SF3A3: variants seen among roughly 807,000 people sequenced by gnomAD.
The protein encoded by SF3A3 is splicing factor 3a subunit 3.
SF3A3 carries 9 observed loss-of-function variants against 85.8 expected under a neutral mutation model. That is an observed-to-expected ratio of 0.10 (90% CI 0.06 to 0.18). The LOEUF (loss-of-function observed/expected upper bound fraction) is 0.18. SF3A3 is among the 10% of genes least tolerant of loss of function. The pLI is 1.00. For missense variants in SF3A3, 306 were observed against 593.3 expected (o/e 0.52, Z 5.03); for synonymous variants, 195 against 204.4 (o/e 0.95, Z 0.39).
intron 15 of SF3A3, among the ~76,000 whole-genome samples, chr1:37,961,705 A>G (rs1363869164): frequency 1.5e-5 from 2 of 132,344 alleles, no homozygotes; most frequent in African/African-American, 5.6e-5. Flanking sequence ...TTCTTTGCCA[A>G]AGCTCTTCAA....
intron 15 of SF3A3, among the ~76,000 whole-genome samples, chr1:37,966,999 C>CA (rs1479818867): frequency 1.5e-5 from 2 of 135,158 alleles, no homozygotes; most frequent in African/African-American, 5.6e-5. Context: ...CCTGTTATCC[C>CA]AGCACTTTGG....
At chr1:37,970,503 G>A (rs1338811485) in intron 12 of SF3A3, among the ~76,000 whole-genome samples, 6 of 152,004 alleles carry the variant, frequency 3.9e-5, no homozygotes, top group East Asian at 3.9e-4. Flanking sequence ...TGCACCAAGC[G>A]GACCTAATAG....
chr1:37,965,150 C>CT (rs1366664123), intron 15 of SF3A3, among the ~76,000 whole-genome samples: 20 of 151,282 alleles, frequency 1.3e-4, no homozygotes, highest in Admixed American at 1.3e-3. Flanking sequence ...GAGCAAGACT[C>CT]TGTCTCAAAA....
At chr1:37,983,491 C>T (rs12569027) in intron 6 of SF3A3, among the ~76,000 whole-genome samples, 51,465 of 144,428 alleles carry the variant, frequency 0.36, 10,413 homozygotes, top group Non-Finnish European at 0.45. Context: ...GGGGCTGAGG[C>T]GGGATCCATC....
chr1:37,989,321 A>AG (rs913691422), intron 2 of SF3A3, among the ~76,000 whole-genome samples: 1 of 151,376 alleles, frequency 6.6e-6, no homozygotes, highest in African/African-American at 2.4e-5. Context: ...AAAAAAAAAA[A>AG]GGGCACCTTT....
chr1:37,958,320 C>T, intron 16 of SF3A3, 57 bp from the exon 17 acceptor site: 4 of 1,239,986 alleles, frequency 3.2e-6, no homozygotes, highest in Middle Eastern at 1.9e-4. Flanking sequence ...ATGTTTGGAA[C>T]CAATCTCTAA....
intron 12 of SF3A3, among the ~76,000 whole-genome samples, chr1:37,975,645 A>G (rs1646374218): frequency 6.6e-6 from 1 of 152,194 alleles, no homozygotes; most frequent in Non-Finnish European, 1.5e-5. Context: ...CACAGCGGAG[A>G]ATATATCTCT....
chr1:37,969,120 C>G (rs1276420905), intron 14 of SF3A3, among the ~76,000 whole-genome samples: 1 of 152,040 alleles, frequency 6.6e-6, no homozygotes, highest in Non-Finnish European at 1.5e-5. Context: ...CAAGAGAAAA[C>G]CAAATAAGGT....
At chr1:37,960,923 G>C (rs1207472564) in intron 15 of SF3A3, among the ~76,000 whole-genome samples, 1 of 152,104 alleles carries the variant, frequency 6.6e-6, no homozygotes, top group African/African-American at 2.4e-5. Flanking sequence ...AAAGTGCTGG[G>C]ATTACAGGCA....
intron 15 of SF3A3, 49 bp from the exon 16 acceptor site, chr1:37,960,224 G>A (rs550867996): frequency 3.9e-6 from 6 of 1,523,146 alleles, no homozygotes; most frequent in African/African-American, 2.7e-5. Flanking sequence ...AACATCTGTT[G>A]GGTATCCAGT....
rs1310993149 is a variant in SF3A3 at position 37,958,071 on chromosome 1, A to G, written c.*115T>C. The G allele has an allele frequency of 2.7e-6, 2 of 729,226 alleles. No homozygotes were observed. Among genetic ancestry groups the G allele is most frequent in the Non-Finnish European group, 5.0e-6 (2 of 401,702 alleles). 45.2% of individuals were successfully genotyped at this position (729,226 alleles called of 1,614,324 possible). A position where few individuals can be genotyped will look rare whatever the true frequency, so the allele number is the denominator to read the frequency against. On this transcript the variant is annotated 3_prime_UTR_variant, in exon 17 of 17. Coordinates refer to ENST00000373019, the MANE Select transcript of SF3A3 (RefSeq NM_006802.4). The stretch of plus-strand genomic sequence containing the variant: ...GCCTTGTTTCTACAAGATGCATGCT[A>G]GACCATGAGACTACATAGCAAAGGG...
intron 12 of SF3A3, among the ~76,000 whole-genome samples, chr1:37,973,532 T>C (rs1041701535): frequency 6.6e-6 from 1 of 152,138 alleles, no homozygotes; most frequent in African/African-American, 2.4e-5. Context: ...CACAATGAGA[T>C]ACCATCTCAC....
Position 37,979,492 on chromosome 1 carries a change from A to C in SF3A3, c.732T>G (p.Leu244=), listed in dbSNP as rs774278200. ...CCCAGGAGGAGAATGCAGAGAGGTC[A>C]AGATGGGCTCCAGCATGGGTCAGGG... ...SSALTHAGAH[L]DLSAFSSWEE... Residue 244 remains leucine, a synonymous_variant, in exon 9 of 17, where the codon CTT becomes CTG. Transcript: ENST00000373019. 1 of 1,613,392 alleles carries C rather than the reference A, an allele frequency of 6.2e-7. No individual in the cohort carries two copies. Among genetic ancestry groups the C allele is most frequent in the Admixed American group, 1.7e-5 (1 of 60,018 alleles).
At position 37,988,339 on chromosome 1, in the gene SF3A3, C is replaced by A. The variant is rs147128284; in HGVS notation, c.145-503G>T. On this transcript the variant is annotated intron_variant, in intron 2 of 16. Transcript: ENST00000373019. ...GTCCCTCCTCCAAAACTTTTGGGAC[C>A]AGATTTGTTTCAGAATTTGGAATGT... 5.9e-3 allele frequency among the ~76,000 whole-genome samples: 902 copies of A among 152,230 alleles called. 5 individuals are homozygous for A. The highest frequency in any genetic ancestry group is 8.4e-3 in the Non-Finnish European group (569 of 68,022).
intron 2 of SF3A3, 57 bp from the exon 3 acceptor site, chr1:37,987,893 A>C (rs1012369768): frequency 7.1e-7 from 1 of 1,415,608 alleles, no homozygotes; most frequent in African/African-American, 1.4e-5. Flanking sequence ...TGTAGAGCTA[A>C]GCAAACAACA....
chr1:37,961,025 G>A (rs1475085827), intron 15 of SF3A3, among the ~76,000 whole-genome samples: 2 of 152,110 alleles, frequency 1.3e-5, no homozygotes, highest in Non-Finnish European at 2.9e-5. Context: ...TAATACATAA[G>A]ACAGGTCCAC....
At chr1:37,958,615 T>C (rs2148713245) in intron 16 of SF3A3, among the ~76,000 whole-genome samples, 1 of 152,340 alleles carries the variant, frequency 6.6e-6, no homozygotes, top group Non-Finnish European at 1.5e-5. Context: ...TTCAAATGGT[T>C]CCCAAGAATC....
chr1:37,976,849 A>G (rs781455699), intron 12 of SF3A3, 35 bp downstream of exon 12: 2 of 1,316,322 alleles, frequency 1.5e-6, no homozygotes, highest in Non-Finnish European at 2.2e-6. Flanking sequence ...CCTGTGCTTT[A>G]TACCATTTTC....
intron 12 of SF3A3, among the ~76,000 whole-genome samples, chr1:37,973,783 TA>T (rs1646359682): frequency 6.6e-6 from 1 of 152,202 alleles, no homozygotes; most frequent in Non-Finnish European, 1.5e-5. Context: ...CATGCACACT[TA>T]CGTTTATTGC....
Sources: allele counts gnomAD v4.1 joint callset (sites outside exome capture counted in the v4.1 genomes callset), GRCh38; gene constraint gnomAD v4.1.1; transcripts MANE v1.5; gene names NCBI Gene and HGNC (gene_info 2026-07-23, HGNC 2026-07-21).